The following CEP68 variants were observed in gnomAD, a reference collection of about 807,000 sequenced individuals.
CEP68 encodes the protein centrosomal protein 68.
In CEP68, 26 loss-of-function variants were observed where a neutral mutation model predicts 55.3. That is an observed-to-expected ratio of 0.47 (90% CI 0.34 to 0.65). CEP68 has a LOEUF of 0.65. CEP68 is among the 30% of genes least tolerant of loss of function. The pLI, the probability that CEP68 is intolerant of heterozygous loss-of-function variation, is 0.01. For missense variants in CEP68, 957 were observed against 946.7 expected, an observed-to-expected ratio of 1.01 and a Z score of -0.14; for synonymous variants, 402 against 383.2, an observed-to-expected ratio of 1.05 and a Z score of -0.57.
At chr2:65,078,949 T>C (rs981636807) in intron 5 of CEP68, among the ~76,000 whole-genome samples, 4 of 152,206 alleles carry the variant, frequency 2.6e-5, no homozygotes, top group African/African-American at 9.7e-5. Context: ...ACAGTTTTCA[T>C]TGTCTTTACA....
intron 1 of CEP68, among the ~76,000 whole-genome samples, chr2:65,060,310 C>T (rs1300182493): frequency 6.6e-6 from 1 of 152,128 alleles, no homozygotes; most frequent in Non-Finnish European, 1.5e-5. Context: ...TTATTGAGGC[C>T]AGAGAATTCT....
chr2:65,078,004 C>G lies in CEP68; in HGVS notation c.2104+40C>G, dbSNP rs746552835. 3 of 1,509,278 alleles carry G rather than the reference C, an allele frequency of 2.0e-6. No homozygotes were observed. The South Asian group carries it at 3.4e-5, about 17-fold the overall frequency. The allele number at this position is 1,509,278 out of a possible 1,614,324, so 93.5% of individuals were successfully genotyped here. A position where few individuals can be genotyped will look rare whatever the true frequency, so the allele number is the denominator to read the frequency against. ...GTTTTGGATTTAGCCAGAGCTTAAT[C>G]CCTGTCAGCAGCAGGCCCAGGGACC... On this transcript the variant is annotated intron_variant, in intron 5 of 6. Coordinates refer to ENST00000377990, the MANE Select transcript of CEP68 (RefSeq NM_015147.3).
chr2:65,076,686 A>G (rs1175208902), intron 4 of CEP68, among the ~76,000 whole-genome samples: 1 of 152,190 alleles, frequency 6.6e-6, no homozygotes, highest in Non-Finnish European at 1.5e-5. Context: ...AGTACTAGAG[A>G]ATAAAATAAT....
At chr2:65,077,752 T>C in intron 4 of CEP68, 116 bp from the exon 5 acceptor site, 3 of 653,678 alleles carry the variant, frequency 4.6e-6, no homozygotes, top group Non-Finnish European at 7.7e-6. Flanking sequence ...CCTGATGGGG[T>C]GAATCTTACA....
At chr2:65,082,835 A>C (rs1031483533) in intron 6 of CEP68, 126 bp downstream of exon 6, 10 of 769,382 alleles carry the variant, frequency 1.3e-5, no homozygotes, top group South Asian at 2.3e-5. Flanking sequence ...GAAGACAGCC[A>C]ATGGTACTAA....
chr2:65,082,821 G>A (rs1453926871), intron 6 of CEP68, 112 bp downstream of exon 6: 1 of 878,930 alleles, frequency 1.1e-6, no homozygotes, highest in East Asian at 3.0e-5. Context: ...ATGAGATACT[G>A]GAAGAAGACA....
chr2:65,068,053 A>G (rs931710550), intron 1 of CEP68, among the ~76,000 whole-genome samples: 1 of 151,958 alleles, frequency 6.6e-6, no homozygotes, highest in African/African-American at 2.4e-5. Flanking sequence ...TCCTCTTACC[A>G]TCTGTTTGCC....
At chr2:65,076,439 T>C (rs894488903) in intron 4 of CEP68, among the ~76,000 whole-genome samples, 22 of 152,190 alleles carry the variant, frequency 1.4e-4, no homozygotes, top group African/African-American at 5.3e-4. Flanking sequence ...CAGTGAGGCA[T>C]AGGCCTCTTG....
rs1022322802 is a variant in CEP68 at position 65,084,141 on chromosome 2, T to C, written c.*507T>C. On this transcript the variant is annotated 3_prime_UTR_variant, in exon 7 of 7. Coordinates refer to ENST00000377990, the MANE Select transcript of CEP68 (RefSeq NM_015147.3). ...TAAAGATATAGGTAGAAAGAAGAGATTTTTAACCCTTTGTCTGCAAAAGAA... is the reference window on the plus strand; with the variant it reads ...TAAAGATATAGGTAGAAAGAAGAGACTTTTAACCCTTTGTCTGCAAAAGAA... 1 of 152,232 alleles carries C rather than the reference T, an allele frequency of 6.6e-6. No individual in the cohort carries two copies. Among genetic ancestry groups the C allele is most frequent in the Non-Finnish European group, 1.5e-5 (1 of 68,042 alleles). The allele number at this position is 152,232 out of a possible 1,614,324, so 9.4% of individuals were successfully genotyped here.
chr2:65,077,676 A>G (rs764160359), intron 4 of CEP68, among the ~76,000 whole-genome samples, 192 bp from the exon 5 acceptor site: 14 of 152,226 alleles, frequency 9.2e-5, no homozygotes, highest in Non-Finnish European at 2.1e-4. Context: ...TACTGACTCT[A>G]TTTACCTTGG....
At chr2:65,063,392 A>G (rs1192140684) in intron 1 of CEP68, among the ~76,000 whole-genome samples, 1 of 152,162 alleles carries the variant, frequency 6.6e-6, no homozygotes, top group African/African-American at 2.4e-5. Flanking sequence ...CACTTCCTTC[A>G]TTTGGGAGGC....
Position 65,082,692 on chromosome 2 carries a change from G to A in CEP68, c.2261G>A (p.Cys754Tyr), listed in dbSNP as rs1287958876. The A allele has an allele frequency of 1.3e-6, 2 of 1,592,696 alleles. No homozygotes were observed. The highest frequency in any genetic ancestry group is 1.1e-5 in the South Asian group (1 of 88,004). Residue 754 changes from cysteine (C) to tyrosine (Y), a missense_variant, in exon 6 of 7, where the codon TGT (cysteine) becomes TAT (tyrosine). Transcript: ENST00000377990. ...KKPMAAMEHP[C>Y]EGV The stretch of plus-strand genomic sequence containing the variant: ...CCCATGGCGGCAATGGAGCACCCAT[G>A]TGAAGGGGTTTAACCTGGTAAGTGG...
At chr2:65,078,073 C>T (rs1272243814) in intron 5 of CEP68, 109 bp downstream of exon 5, 10 of 739,118 alleles carry the variant, frequency 1.4e-5, no homozygotes, top group African/African-American at 3.6e-5. Context: ...AGCCCCTGCC[C>T]ACACCCACTG....
chr2:65,072,786 C>T lies in CEP68; in HGVS notation c.1690C>T (p.Arg564Cys), dbSNP rs367893051. 77 of 1,614,042 alleles carry T rather than the reference C, an allele frequency of 4.8e-5. No homozygotes were observed. The highest frequency in any genetic ancestry group is 3.7e-4 in the African/African-American group (28 of 74,936). The change falls in exon 3 of 7, where the codon CGT (arginine) becomes TGT (cysteine). Residue 564 changes from arginine (R) to cysteine (C), a missense_variant. Coordinates refer to ENST00000377990, the MANE Select transcript of CEP68 (RefSeq NM_015147.3). ...TCCCTGTTTCCTGCGCTCCTTCGTC[C>T]GTGCCCACGACTCCGCAGGGGAAGG... ...QNPCFLRSFV[R>C]AHDSAGEGSL... is the part of the protein sequence containing the mutation.
chr2:65,074,737 C>T (rs959311389), intron 4 of CEP68: 2 of 344,974 alleles, frequency 5.8e-6, no homozygotes, highest in South Asian at 2.3e-5. Context: ...CCCAGGAGTT[C>T]GAGTACAGCC....
chr2:65,081,439 A>AAGC (rs3052194), intron 5 of CEP68, among the ~76,000 whole-genome samples: 107,116 of 151,482 alleles, frequency 0.71, 38,349 homozygotes, highest in East Asian at 0.9. Flanking sequence ...GTCTGCAGAT[A>AAGC]AGCTTCCTCT....
chr2:65,056,532 G>C lies in CEP68; in HGVS notation c.-47+4G>C, dbSNP rs1421190418. On this transcript the variant is annotated splice_donor_region_variant and intron_variant, in intron 1 of 6. Coordinates refer to ENST00000377990, the MANE Select transcript of CEP68 (RefSeq NM_015147.3). ...CGAAGCGTTCGCGGTGCGGTAGGTA[G>C]GCAGTGTCCCGCGTGCGGGTGCTGG... The C allele has an allele frequency of 6.6e-6, 1 of 150,868 alleles. No homozygotes were observed. Among genetic ancestry groups the C allele is most frequent in the African/African-American group, 2.4e-5 (1 of 40,836 alleles). The allele number at this position is 150,868 out of a possible 1,614,324, so 9.3% of individuals were successfully genotyped here.
At chr2:65,069,903 G>T in intron 2 of CEP68, 102 bp downstream of exon 2, 2 of 1,088,166 alleles carry the variant, frequency 1.8e-6, no homozygotes. Flanking sequence ...TACTGTGCAG[G>T]GTGAGGAATT....
At chr2:65,074,773 C>CT in intron 4 of CEP68, 2 of 236,494 alleles carry the variant, frequency 8.5e-6, no homozygotes, top group South Asian at 4.6e-5. Context: ...GACCCCCCCC[C>CT]CTCAAAAAAA....
Sources: allele counts gnomAD v4.1 joint callset (sites outside exome capture counted in the v4.1 genomes callset), GRCh38; gene constraint gnomAD v4.1.1; transcripts MANE v1.5; gene names NCBI Gene and HGNC (gene_info 2026-07-23, HGNC 2026-07-21).